AFF1: variants seen among roughly 807,000 people sequenced by gnomAD.
AFF1 encodes ALF transcription elongation factor 1.
In AFF1, 48 loss-of-function variants were observed where a neutral mutation model predicts 121.7. That is an observed-to-expected ratio of 0.39 (90% confidence interval 0.31 to 0.50). The LOEUF is 0.50. AFF1 is among the 20% of genes least tolerant of loss of function. AFF1 has a pLI of 0.76. For synonymous variants in AFF1, 613 were observed against 563.0 expected, an observed-to-expected ratio of 1.09 and a Z score of -1.26; for missense variants, 1,523 against 1,511.7, an observed-to-expected ratio of 1.01 and a Z score of -0.12.
intron 2 of AFF1, among the ~76,000 whole-genome samples, chr4:87,000,605 C>CTGTGTGTGTGTGTGTGTGTG (rs57615388): frequency 3.1e-4 from 45 of 146,490 alleles, no homozygotes; most frequent in African/African-American, 8.5e-4. Flanking sequence ...AAAATAAACT[C>CTGTGTGTGTGTGTGTGTGTG]TGTGTGTGTG....
At chr4:87,076,989 T>C (rs539092906) in intron 4 of AFF1, among the ~76,000 whole-genome samples, 3 of 152,350 alleles carry the variant, frequency 2.0e-5, no homozygotes, top group African/African-American at 7.2e-5. Flanking sequence ...TTAGAAATGA[T>C]GATTATGGTG....
intron 2 of AFF1, among the ~76,000 whole-genome samples, chr4:87,007,953 C>A (rs924458951): frequency 6.6e-6 from 1 of 152,086 alleles, no homozygotes; most frequent in African/African-American, 2.4e-5. Flanking sequence ...AGGCAAAGAC[C>A]GGGAACGCGC....
intron 2 of AFF1, chr4:87,007,001 C>G (rs921554717): frequency 4.6e-6 from 5 of 1,092,396 alleles, no homozygotes; most frequent in Non-Finnish European, 4.5e-6. Flanking sequence ...AATTTCTTTT[C>G]CTTTCTAACT....
intron 12 of AFF1, among the ~76,000 whole-genome samples, chr4:87,120,309 GAA>G (rs1455121213): frequency 6.6e-6 from 1 of 152,212 alleles, no homozygotes; most frequent in East Asian, 1.9e-4. Context: ...GGAAGTCCCT[GAA>G]TTTCCCCAAA....
At chr4:87,032,095 T>TAGCAGAGGTCAAATGAAG (rs1379627010) in intron 2 of AFF1, among the ~76,000 whole-genome samples, 1 of 152,210 alleles carries the variant, frequency 6.6e-6, no homozygotes, top group Non-Finnish European at 1.5e-5. Flanking sequence ...CAACACGGCT[T>TAGCAGAGGTCAAATGAAG]AGCAGAGGTC....
In AFF1 at chr4:87,047,193, C is replaced by A; in HGVS notation, c.658C>A (p.Pro220Thr). The A allele has an allele frequency of 6.2e-7, 1 of 1,614,144 alleles. No individual in the cohort carries two copies. Among genetic ancestry groups the A allele is most frequent in the Non-Finnish European group, 8.5e-7 (1 of 1,180,030 alleles). ...GCCTTCCCCAGTTCCCCCTTTGTCA[C>A]CTATACATTCCAACCAGCAAACTCT... The part of the protein sequence containing the change: ...SLPSPVPPLS[P>T]IHSNQQTLPR... The change falls in exon 4 of 21, where the codon CCT (proline) becomes ACT (threonine). Residue 220 changes from proline to threonine, a missense_variant. By Grantham distance (38) the Pro-to-Thr change is conservative (BLOSUM62 -1). This residue lies in a region of AFF1 where 369 missense variants were observed against 367.2 expected (regional missense o/e 1.00). Transcript: ENST00000395146.
intron 12 of AFF1, among the ~76,000 whole-genome samples, chr4:87,117,687 A>G (rs1296904933): frequency 6.6e-6 from 1 of 152,248 alleles, no homozygotes; most frequent in Non-Finnish European, 1.5e-5. Context: ...ACTAGTTAGA[A>G]ACATTAGAAG....
chr4:87,001,912 G>A (rs1488879005), intron 2 of AFF1, among the ~76,000 whole-genome samples: 2 of 152,132 alleles, frequency 1.3e-5, no homozygotes, highest in East Asian at 1.9e-4. Context: ...TTTTAGCAGT[G>A]TCCTGGTTAA....
At position 87,024,314 on chromosome 4, in the gene AFF1, C is replaced by G. The variant is rs145501827; in HGVS notation, c.39-21852C>G. Among the ~76,000 whole-genome samples, 902 of 152,132 alleles carry G rather than the reference C, an allele frequency of 5.9e-3. 8 individuals are homozygous for G. Among genetic ancestry groups the G allele is most frequent in the African/African-American group, 0.021 (860 of 41,468 alleles). On this transcript the variant is annotated intron_variant, in intron 2 of 20. Coordinates refer to ENST00000395146, the MANE Select transcript of AFF1 (RefSeq NM_001166693.3). Reference sequence around the variant, plus strand: ...GGTGTCTGTTTATCTCTAAACTGAGCTATAACTGAAACAAAAAAAGAGGAT... The same window carrying G: ...GGTGTCTGTTTATCTCTAAACTGAGGTATAACTGAAACAAAAAAAGAGGAT...
intron 2 of AFF1, chr4:87,007,251 C>T: frequency 1.3e-6 from 2 of 1,495,216 alleles, no homozygotes; most frequent in Admixed American, 2.4e-5. Flanking sequence ...GCCGAGGACG[C>T]CCGGGGCTCG....
chr4:87,002,261 T>C (rs1224978707), intron 2 of AFF1, among the ~76,000 whole-genome samples: 2 of 151,300 alleles, frequency 1.3e-5, no homozygotes. Context: ...CCCAGCTAAT[T>C]ACAAAAATTT....
At position 86,979,001 on chromosome 4, in the gene AFF1, A is replaced by G. The variant is rs561547228; in HGVS notation, c.38+30430A>G. ...AGAAAACTATTCCTCTAGTGGTCCAATGAAGTGTTCCCCATTGAAAGTTTG... is the reference window on the plus strand; with the variant it reads ...AGAAAACTATTCCTCTAGTGGTCCAGTGAAGTGTTCCCCATTGAAAGTTTG... On this transcript the variant is annotated intron_variant, in intron 2 of 20. Coordinates refer to ENST00000395146, the MANE Select transcript of AFF1 (RefSeq NM_001166693.3). Among the ~76,000 whole-genome samples the G allele has an allele frequency of 4.6e-5, 7 of 152,304 alleles. No individual in the cohort carries two copies. In the East Asian group the frequency reaches 7.7e-4, roughly 17 times the overall value.
At chr4:86,964,775 T>C (rs765808164) in intron 2 of AFF1, among the ~76,000 whole-genome samples, 3 of 152,226 alleles carry the variant, frequency 2.0e-5, no homozygotes, top group Non-Finnish European at 4.4e-5. Flanking sequence ...CATAGCTTAC[T>C]ATTTTTAAAT....
chr4:87,008,620 GTTT>G (rs11355941), intron 2 of AFF1, among the ~76,000 whole-genome samples: 3 of 145,056 alleles, frequency 2.1e-5, no homozygotes, highest in Non-Finnish European at 3.0e-5. Flanking sequence ...GAAATTTAGT[GTTT>G]TTTTTTTTTT....
chr4:87,077,573 T>TC (rs1722795682), intron 4 of AFF1, among the ~76,000 whole-genome samples: 1 of 152,084 alleles, frequency 6.6e-6, no homozygotes, highest in Non-Finnish European at 1.5e-5. Flanking sequence ...CCCTATTCCT[T>TC]CCCCCAGCCT....
At chr4:86,996,670 C>T (rs990570193) in intron 2 of AFF1, among the ~76,000 whole-genome samples, 1 of 152,066 alleles carries the variant, frequency 6.6e-6, no homozygotes, top group Non-Finnish European at 1.5e-5. Flanking sequence ...CCACTATTGT[C>T]CTGTGACCCT....
Position 86,993,239 on chromosome 4 carries a change from G to A in AFF1, c.38+44668G>A, listed in dbSNP as rs78717609. Among the ~76,000 whole-genome samples the A allele has an allele frequency of 8.6e-3, 1,308 of 152,266 alleles. 74 individuals are homozygous for A. The East Asian group carries it at 0.14, about 16-fold the overall frequency. ...AAACAGCACATTTACGACAGGCTAG[G>A]TATCACAGAAAGTGCCAGTAGTTGA... is the stretch of plus-strand genomic sequence containing the variant. On this transcript the variant is annotated intron_variant, in intron 2 of 20. Transcript: ENST00000395146.
chr4:87,085,937 C>T (rs986386727), intron 5 of AFF1, among the ~76,000 whole-genome samples: 7 of 152,168 alleles, frequency 4.6e-5, no homozygotes, highest in Middle Eastern at 6.8e-3. Flanking sequence ...CGGTGTTTCA[C>T]CATCTTGGCC....
chr4:86,946,190 T>C (rs1720843579), intron 1 of AFF1, among the ~76,000 whole-genome samples: 1 of 152,076 alleles, frequency 6.6e-6, no homozygotes, highest in Admixed American at 6.5e-5. Flanking sequence ...AAGTCTTTGC[T>C]CAAATGTTGT....
Sources: gnomAD v4.1 joint callset for allele counts (sites outside exome capture counted in the v4.1 genomes callset) on GRCh38, gnomAD v4.1.1 for gene constraint, gnomAD v4.1.1 regional missense constraint, MANE v1.5 for transcripts, NCBI Gene and HGNC (gene_info 2026-07-23, HGNC 2026-07-21) for gene names.